The following PKHD1 variants were observed in gnomAD, a reference collection of about 807,000 sequenced individuals.
PKHD1 encodes the protein fibrocystin.
Under a neutral mutation model 412.0 loss-of-function variants are expected in PKHD1, and 291 were observed. The ratio of observed to expected loss-of-function variants is 0.71; its 90% CI spans 0.64 to 0.78. The LOEUF (loss-of-function observed/expected upper bound fraction) is 0.78, where lower values mean the gene tolerates loss of function less well. PKHD1 is among the 30% of genes least tolerant of loss of function. The probability of loss-of-function intolerance (pLI) is 0.00; values close to 1 mark genes in which losing one functional copy is unlikely to be tolerated. For synonymous variants in PKHD1, 1,777 were observed against 1,821.5 expected (o/e 0.98, Z 0.62); for missense variants, 4,825 against 4,950.7 (o/e 0.97, Z 0.76).
intron 52 of PKHD1, among the ~76,000 whole-genome samples, chr6:51,812,720 G>A (rs535135665): frequency 5.9e-5 from 9 of 152,222 alleles, no homozygotes; most frequent in African/African-American, 1.9e-4. Context: ...TTAGAGAATC[G>A]CATTCCATCT....
intron 52 of PKHD1, among the ~76,000 whole-genome samples, chr6:51,813,489 A>G (rs760313262): frequency 6.6e-6 from 1 of 152,170 alleles, no homozygotes; most frequent in Non-Finnish European, 1.5e-5. Context: ...TTATATTTAT[A>G]TAACTTATTA....
At chr6:52,062,811 G>T in intron 13 of PKHD1, 151 bp from the exon 14 acceptor site, 1 of 883,416 alleles carries the variant, frequency 1.1e-6, no homozygotes. Context: ...TATATGAAAG[G>T]TTCTGTAGTT....
At chr6:51,743,245 T>C (rs1455230879) in intron 60 of PKHD1, among the ~76,000 whole-genome samples, 1 of 152,014 alleles carries the variant, frequency 6.6e-6, no homozygotes, top group East Asian at 1.9e-4. Context: ...GAGACAATGG[T>C]GGCTAGTAGT....
chr6:51,896,660 C>T (rs1168712437), intron 43 of PKHD1, among the ~76,000 whole-genome samples: 166 of 152,216 alleles, frequency 1.1e-3, no homozygotes, highest in African/African-American at 3.6e-3. Context: ...CAAAGCTGGA[C>T]GGAGAATGAC....
chr6:51,652,447 T>A (rs115867360), intron 61 of PKHD1, among the ~76,000 whole-genome samples: 2 of 152,174 alleles, frequency 1.3e-5, no homozygotes, highest in Non-Finnish European at 2.9e-5. Flanking sequence ...GGGGTGGAAA[T>A]CAGAGATACT....
intron 35 of PKHD1, among the ~76,000 whole-genome samples, chr6:51,975,402 A>T (rs1156475778): frequency 6.6e-6 from 1 of 152,134 alleles, no homozygotes; most frequent in Non-Finnish European, 1.5e-5. Context: ...AACTGATAAG[A>T]GATTAATATC....
intron 41 of PKHD1, among the ~76,000 whole-genome samples, chr6:51,905,796 A>C (rs1261640553): frequency 6.6e-6 from 1 of 152,186 alleles, no homozygotes; most frequent in Non-Finnish European, 1.5e-5. Flanking sequence ...TCAGTTGAAG[A>C]TTCTGAAACA....
chr6:52,041,104 T>A (rs1048744514), intron 27 of PKHD1, among the ~76,000 whole-genome samples: 1 of 152,228 alleles, frequency 6.6e-6, no homozygotes, highest in Non-Finnish European at 1.5e-5. Flanking sequence ...GAAGAAAGTA[T>A]GTAAAGCAAA....
At chr6:52,074,653 C>T (rs1582115649) in intron 6 of PKHD1, among the ~76,000 whole-genome samples, 1 of 152,130 alleles carries the variant, frequency 6.6e-6, no homozygotes, top group East Asian at 1.9e-4. Context: ...ATGGCCACAC[C>T]AGAGCACGGT....
intron 55 of PKHD1, among the ~76,000 whole-genome samples, chr6:51,763,800 G>C (rs1384308425): frequency 6.6e-6 from 1 of 151,876 alleles, no homozygotes; most frequent in African/African-American, 2.4e-5. Context: ...GGTGTCTCTG[G>C]ATCTACTATC....
intron 49 of PKHD1, among the ~76,000 whole-genome samples, chr6:51,851,044 G>T (rs1242336620): frequency 1.3e-5 from 2 of 152,112 alleles, no homozygotes; most frequent in East Asian, 3.9e-4. Context: ...GTCATAAATA[G>T]CTGTTATTAT....
intron 43 of PKHD1, among the ~76,000 whole-genome samples, chr6:51,900,602 T>C (rs1159481350): frequency 4.6e-5 from 7 of 152,168 alleles, no homozygotes; most frequent in Non-Finnish European, 1.0e-4. Flanking sequence ...ATTCAGGACA[T>C]AGGCATGGGC....
chr6:51,966,859 T>C (rs1277256235), intron 35 of PKHD1, among the ~76,000 whole-genome samples: 2 of 151,364 alleles, frequency 1.3e-5, no homozygotes, highest in Non-Finnish European at 2.9e-5. Context: ...AAGAGCTATT[T>C]GATATGGAGT....
In PKHD1 at chr6:51,847,906, G is replaced by A. The variant is rs776654447; in HGVS notation, c.7976C>T (p.Pro2659Leu). ...NYLLLVHTDL[P>L]PYPDILLRCG... ...TCTTAGGAGGATGTCAGGGTAAGGC[G>A]GCAAATCTGTGTGCACCAGCAGTAG... Residue 2659 changes from proline (P) to leucine (L), a missense_variant, in exon 50 of 67, where the codon CCG (proline) becomes CTG (leucine). By Grantham distance (98) the Pro-to-Leu change is moderately conservative. Coordinates refer to ENST00000371117, the MANE Select transcript of PKHD1 (RefSeq NM_138694.4). 1.1e-5 allele frequency: 18 copies of A among 1,613,832 alleles called. No homozygotes were observed. Among genetic ancestry groups the A allele is most frequent in the Middle Eastern group, 1.7e-4 (1 of 6,060 alleles).
chr6:52,054,603 G>A (rs1372607565), intron 19 of PKHD1, among the ~76,000 whole-genome samples: 1 of 152,188 alleles, frequency 6.6e-6, no homozygotes, highest in South Asian at 2.1e-4. Flanking sequence ...AGGCAAAGCT[G>A]TTGCCACAAG....
rs200952634 is a variant in PKHD1 at position 51,746,938 on chromosome 6, A to G, written c.9830-49T>C. On this transcript the variant is annotated intron_variant, in intron 58 of 66. Coordinates refer to ENST00000371117, the MANE Select transcript of PKHD1 (RefSeq NM_138694.4). ...ATAATATTATATCATATAAACCACC[A>G]GCCACAAATATCGAATATACAACTA... 5 of 1,099,490 alleles carry G rather than the reference A, an allele frequency of 4.5e-6. No individual in the cohort carries two copies. In the East Asian group the frequency reaches 1.0e-4, roughly 23 times the overall value. 68.1% of individuals were successfully genotyped at this position (1,099,490 alleles called of 1,614,324 possible).
intron 48 of PKHD1, among the ~76,000 whole-genome samples, chr6:51,858,495 A>G (rs73444407): frequency 0.01 from 1,540 of 152,300 alleles, 24 homozygotes; most frequent in African/African-American, 0.035. Flanking sequence ...TGTGGTCAGT[A>G]AATAAAACAC....
intron 19 of PKHD1, among the ~76,000 whole-genome samples, chr6:52,054,504 C>T (rs892039843): frequency 2.0e-5 from 3 of 152,156 alleles, no homozygotes; most frequent in Non-Finnish European, 2.9e-5. Context: ...CCCAATTACC[C>T]GTGCAACCTC....
At chr6:51,828,178 G>A (rs1767648579) in intron 52 of PKHD1, among the ~76,000 whole-genome samples, 1 of 152,012 alleles carries the variant, frequency 6.6e-6, no homozygotes, top group African/African-American at 2.4e-5. Flanking sequence ...AGCAGGTATT[G>A]ATGGTAAGTT....
Sources: gnomAD v4.1 joint callset for allele counts (sites outside exome capture counted in the v4.1 genomes callset) on GRCh38, gnomAD v4.1.1 for gene constraint, MANE v1.5 for transcripts, NCBI Gene and HGNC (gene_info 2026-07-23, HGNC 2026-07-21) for gene names.